LIMS1: variants seen among roughly 807,000 people sequenced by gnomAD.
LIMS1 encodes the protein LIM and senescent cell antigen-like-containing domain protein 1.
Under a neutral mutation model 44.1 loss-of-function variants are expected in LIMS1, and 18 were observed. The ratio of observed to expected loss-of-function variants is 0.41; its 90% confidence interval spans 0.28 to 0.61. LIMS1 has a LOEUF of 0.61. Among genes scored for constraint, LIMS1 ranks in the 20% least tolerant of loss-of-function variants. LIMS1 has a pLI of 0.32. For missense variants in LIMS1, 201 were observed against 422.0 expected, an observed-to-expected ratio of 0.48 and a Z score of 4.59; for synonymous variants, 93 against 149.1, an observed-to-expected ratio of 0.62 and a Z score of 2.74.
chr2:108,534,044 GGAGCCT>G (rs1293643880), upstream of LIMS1: 10 of 153,214 alleles, frequency 6.5e-5, no homozygotes, highest in African/African-American at 2.2e-4. Context: ...TGGAATCAGA[GGAGCCT>G]CGAGGCAAGG....
At chr2:108,611,717 A>G (rs575327345) in intron 1 of LIMS1, among the ~76,000 whole-genome samples, 1 of 151,672 alleles carries the variant, frequency 6.6e-6, no homozygotes, top group African/African-American at 2.4e-5. Context: ...CTGTCTCTAC[A>G]AAAATACAGA....
At chr2:108,582,281 C>G (rs1225679767) in intron 1 of LIMS1, among the ~76,000 whole-genome samples, 4 of 152,054 alleles carry the variant, frequency 2.6e-5, no homozygotes, top group African/African-American at 9.7e-5. Flanking sequence ...TAGTTTATCT[C>G]GATGGTTTCA....
chr2:108,629,181 C>T (rs1334097438), intron 1 of LIMS1, among the ~76,000 whole-genome samples: 1 of 152,098 alleles, frequency 6.6e-6, no homozygotes. Context: ...GAAAAAATGG[C>T]AGTGTTATAG....
intron 1 of LIMS1, among the ~76,000 whole-genome samples, chr2:108,609,843 A>G (rs1436024304): frequency 6.9e-6 from 1 of 144,504 alleles, no homozygotes; most frequent in Non-Finnish European, 1.6e-5. Context: ...TTTTTTTTTA[A>G]CTTAAAAATA....
intron 1 of LIMS1, among the ~76,000 whole-genome samples, chr2:108,609,455 C>T (rs1687466842): frequency 6.6e-6 from 1 of 152,168 alleles, no homozygotes; most frequent in South Asian, 2.1e-4. Context: ...TGACTCTAAA[C>T]TGCCCGGCTC....
intron 1 of LIMS1, among the ~76,000 whole-genome samples, chr2:108,588,993 C>A (rs1221817593): frequency 6.6e-6 from 1 of 152,040 alleles, no homozygotes; most frequent in Non-Finnish European, 1.5e-5. Context: ...CTATAAAAGA[C>A]CTTAGTAATG....
intron 1 of LIMS1, among the ~76,000 whole-genome samples, chr2:108,555,423 C>T (rs1044169379): frequency 1.3e-5 from 2 of 152,164 alleles, no homozygotes; most frequent in Non-Finnish European, 2.9e-5. Flanking sequence ...AGGCCTGGAT[C>T]TCCCTCTGCC....
chr2:108,645,325 TG>T (rs1451180447), intron 1 of LIMS1, among the ~76,000 whole-genome samples: 2 of 151,782 alleles, frequency 1.3e-5, no homozygotes, highest in Non-Finnish European at 2.9e-5. Flanking sequence ...CAGAAGAGAG[TG>T]GGGGCCAATA....
intron 1 of LIMS1, among the ~76,000 whole-genome samples, chr2:108,632,883 C>A (rs1418145600): frequency 6.6e-6 from 1 of 152,148 alleles, no homozygotes; most frequent in African/African-American, 2.4e-5. Context: ...CAATCTGTAC[C>A]TGCATAGCAA....
intron 1 of LIMS1, among the ~76,000 whole-genome samples, chr2:108,603,495 CTTTTTT>C (rs55909729): frequency 5.7e-5 from 5 of 88,216 alleles, no homozygotes; most frequent in Non-Finnish European, 4.2e-5. Flanking sequence ...TTTTCATCGC[CTTTTTT>C]TTTTTTTTTT....
chr2:108,670,532 A>G (rs1692095326), intron 2 of LIMS1, among the ~76,000 whole-genome samples: 1 of 152,154 alleles, frequency 6.6e-6, no homozygotes, highest in Admixed American at 6.5e-5. Flanking sequence ...GTCAGAGGCC[A>G]GGTCACCAGT....
At chr2:108,539,036 A>G (rs749501598) in intron 1 of LIMS1, among the ~76,000 whole-genome samples, 32 of 152,090 alleles carry the variant, frequency 2.1e-4, no homozygotes, top group Non-Finnish European at 4.1e-4. Context: ...TTTGGGTTCT[A>G]TTTTTTAATT....
At chr2:108,663,502 T>A (rs948900070) in intron 2 of LIMS1, among the ~76,000 whole-genome samples, 4 of 152,216 alleles carry the variant, frequency 2.6e-5, no homozygotes, top group African/African-American at 9.6e-5. Flanking sequence ...AAAATACTTT[T>A]GGGAGTGAAG....
chr2:108,592,300 G>A (rs772416909), intron 1 of LIMS1, among the ~76,000 whole-genome samples: 39 of 152,128 alleles, frequency 2.6e-4, no homozygotes, highest in Non-Finnish European at 5.0e-4. Flanking sequence ...TAGAGTGCTT[G>A]ATTAAAATAA....
At chr2:108,671,138 TC>T (rs1692138301) in intron 3 of LIMS1, 1 of 425,688 alleles carries the variant, frequency 2.3e-6, no homozygotes, top group African/African-American at 2.0e-5. Flanking sequence ...ACCACTTCAC[TC>T]CAGCCTGGGC....
chr2:108,549,279 CTTTTTTTTTTTTTT>C (rs71381966), intron 1 of LIMS1, among the ~76,000 whole-genome samples: 10 of 55,782 alleles, frequency 1.8e-4, no homozygotes, highest in Admixed American at 8.9e-4. Flanking sequence ...TAAAGTGTTT[CTTTTTTTTTTTTTT>C]TTTTTTTTTT....
At chr2:108,662,428 TC>T (rs1691444319) in intron 2 of LIMS1, 1 of 1,467,320 alleles carries the variant, frequency 6.8e-7, no homozygotes, top group Non-Finnish European at 9.2e-7. Context: ...ATAAATACCC[TC>T]CCTGGGTCTG....
chr2:108,673,936 AAAAG>A, intron 5 of LIMS1: 1 of 152,354 alleles, frequency 6.6e-6, no homozygotes, highest in Middle Eastern at 3.4e-3. Flanking sequence ...GTTTATATCT[AAAAG>A]AAATATATTT....
At chr2:108,582,822 C>A (rs1017715408) in intron 1 of LIMS1, among the ~76,000 whole-genome samples, 2 of 152,050 alleles carry the variant, frequency 1.3e-5, no homozygotes, top group African/African-American at 4.8e-5. Context: ...TCAACAGTTT[C>A]AATAAGCACT....
Sources: allele counts gnomAD v4.1 joint callset (sites outside exome capture counted in the v4.1 genomes callset), GRCh38; gene constraint gnomAD v4.1.1; transcripts MANE v1.5; gene names NCBI Gene and HGNC (gene_info 2026-07-23, HGNC 2026-07-21).